Variants in TMEM80 observed in about 807,000 individuals in gnomAD.
TMEM80 encodes transmembrane protein 80.
TMEM80 carries 16 observed loss-of-function variants against 13.6 expected under a neutral mutation model. The ratio of observed to expected loss-of-function variants is 1.17; its 90% confidence interval spans 0.79 to 1.78. The LOEUF is 1.78. Among genes scored for constraint, TMEM80 ranks in the 40% most tolerant of loss-of-function variants. The pLI, the probability that TMEM80 is intolerant of heterozygous loss-of-function variation, is 0.00. For missense variants in TMEM80, 167 were observed against 184.6 expected (o/e 0.90, Z 0.55); for synonymous variants, 92 against 89.5 (o/e 1.03, Z -0.16).
intron 4 of TMEM80, 55 bp from the exon 5 acceptor site, chr11:702,890 T>G: frequency 6.6e-7 from 1 of 1,517,430 alleles, no homozygotes; most frequent in Non-Finnish European, 9.0e-7. Context: ...CTGTGGGCGG[T>G]GGGCTCCAGG....
intron 4 of TMEM80, among the ~76,000 whole-genome samples, chr11:702,625 G>A (rs1564963636): frequency 2.6e-5 from 4 of 152,236 alleles, no homozygotes; most frequent in Admixed American, 2.0e-4. Flanking sequence ...TTAGGAAAAC[G>A]TGGCAGATGC....
At chr11:698,782 A>C in intron 1 of TMEM80, 87 bp from the exon 2 acceptor site, 7 of 1,470,712 alleles carry the variant, frequency 4.8e-6, no homozygotes, top group Non-Finnish European at 5.7e-6. Context: ...AAAATAAAGC[A>C]GGGGTGGTTC....
chr11:703,781 G>A lies in TMEM80; in HGVS notation c.*631G>A. ...CTGCTGCCTAGCAATTTCCATCTTA[G>A]CCACACTTCTCCCTTCAGGGGCTTC... On this transcript the variant is annotated 3_prime_UTR_variant, in exon 5 of 5. Transcript: ENST00000397510. The A allele has an allele frequency of 8.1e-7, 1 of 1,233,182 alleles. No individual in the cohort carries two copies. The highest frequency in any genetic ancestry group is 1.0e-6 in the Non-Finnish European group (1 of 989,070). The allele number at this position is 1,233,182 out of a possible 1,614,324, so 76.4% of individuals were successfully genotyped here.
downstream of TMEM80, chr11:704,583 A>G (rs10902201): frequency 0.43 from 555,568 of 1,288,154 alleles, 123,728 homozygotes; most frequent in South Asian, 0.5. Context: ...CCCAGCCCAC[A>G]AACCATGCAG....
chr11:699,053 C>A, intron 2 of TMEM80, 165 bp downstream of exon 2: 1 of 798,420 alleles, frequency 1.3e-6, no homozygotes. Flanking sequence ...GTAACTTCCT[C>A]GGATCAGTTC....
At chr11:704,954 G>T, downstream of TMEM80, 1 of 337,296 alleles carries the variant, frequency 3.0e-6, no homozygotes, top group Non-Finnish European at 5.8e-6. Flanking sequence ...CTGAGCTCTG[G>T]GTCAGGGCAA....
intron 4 of TMEM80, among the ~76,000 whole-genome samples, chr11:701,651 C>T (rs1402518655): frequency 3.3e-5 from 5 of 152,090 alleles, no homozygotes; most frequent in South Asian, 2.1e-4. Context: ...CCTCCTGATC[C>T]GCCCACCTCG....
At chr11:699,818 G>A (rs1481761485) in intron 2 of TMEM80, 8 of 293,790 alleles carry the variant, frequency 2.7e-5, no homozygotes, top group Non-Finnish European at 4.4e-5. Flanking sequence ...CAAAGGCAGG[G>A]TGACATCACT....
intron 4 of TMEM80, chr11:700,993 G>T: frequency 2.1e-6 from 1 of 484,400 alleles, no homozygotes. Context: ...GAAAAGCCCA[G>T]CCCACCACCA....
chr11:700,081 C>A, intron 2 of TMEM80, 61 bp from the exon 3 acceptor site: 1 of 1,446,104 alleles, frequency 6.9e-7, no homozygotes, highest in South Asian at 1.2e-5. Context: ...CCCTCTTGTT[C>A]AGCCACCTGG....
Position 700,911 on chromosome 11 carries a change from G to T in TMEM80, c.226+204G>T, listed in dbSNP as rs553720757. 1.8e-4 allele frequency: 107 copies of T among 610,682 alleles called. 1 individual carries two copies. The South Asian group carries it at 1.9e-3, about 11-fold the overall frequency. The allele number at this position is 610,682 out of a possible 1,614,324, so 37.8% of individuals were successfully genotyped here. On this transcript the variant is annotated intron_variant, in intron 4 of 4. Coordinates refer to ENST00000397510, the MANE Select transcript of TMEM80 (RefSeq NM_001042463.3). ...TGTCCCAGAGACAAATAACACTGGGGGCATCGTTGGGAGAGACTCTGTGTT... is the reference window on the plus strand; with the variant it reads ...TGTCCCAGAGACAAATAACACTGGGTGCATCGTTGGGAGAGACTCTGTGTT...
At chr11:695,894 G>A (rs1861120831) in intron 1 of TMEM80, 48 bp downstream of exon 1, 1 of 1,211,326 alleles carries the variant, frequency 8.3e-7, no homozygotes, top group Non-Finnish European at 1.0e-6. Flanking sequence ...CGGCGGGCGC[G>A]GCGTTTCCCT....
rs760387386 is a variant in TMEM80, at chr11:698,850, C to T, written c.20-19C>T. The T allele has an allele frequency of 1.1e-5, 17 of 1,614,022 alleles. No individual in the cohort carries two copies. The highest frequency in any genetic ancestry group is 1.6e-4 in the Middle Eastern group (1 of 6,084). The stretch of plus-strand genomic sequence containing the variant: ...CCTGGTGGCTGTCAGGCCTTGCTCA[C>T]GGCCCCTTTCTCTTTCAGGGAGAGG... On this transcript the variant is annotated intron_variant, in intron 1 of 4. Coordinates refer to ENST00000397510, the MANE Select transcript of TMEM80 (RefSeq NM_001042463.3).
chr11:702,527 T>A (rs796744070), intron 4 of TMEM80, among the ~76,000 whole-genome samples: 3 of 152,348 alleles, frequency 2.0e-5, no homozygotes, highest in African/African-American at 7.2e-5. Context: ...TTTTAATACA[T>A]ACTCGTGAAA....
At position 695,858 on chromosome 11, in the gene TMEM80, C is replaced by T. The variant is rs1434751084; in HGVS notation, c.19+12C>T. The T allele has an allele frequency of 4.9e-6, 6 of 1,228,074 alleles. No individual in the cohort carries two copies. The highest frequency in any genetic ancestry group is 6.1e-6 in the Non-Finnish European group (6 of 984,782). The allele number at this position is 1,228,074 out of a possible 1,614,324, so 76.1% of individuals were successfully genotyped here. On this transcript the variant is annotated intron_variant, in intron 1 of 4. Transcript: ENST00000397510. ...GGCCCCGCGGCGAGGTGAGCTCGGG[C>T]GGGGTGGGGGCTTCCGGGCTTGCAG... is the stretch of plus-strand genomic sequence containing the variant.
chr11:697,203 G>T (rs1861235463), intron 1 of TMEM80, among the ~76,000 whole-genome samples: 1 of 151,712 alleles, frequency 6.6e-6, no homozygotes, highest in African/African-American at 2.4e-5. Flanking sequence ...GCAGTGAGCT[G>T]TGATCAGGCC....
intron 2 of TMEM80, 118 bp from the exon 3 acceptor site, chr11:700,024 C>T: frequency 1.3e-6 from 1 of 764,676 alleles, no homozygotes; most frequent in Non-Finnish European, 2.2e-6. Flanking sequence ...GCCAAGACTC[C>T]ATGGTCCCTT....
In TMEM80 at chr11:703,472, G is replaced by A; in HGVS notation, c.*322G>A. 7.9e-7 allele frequency: 1 copy of A among 1,258,784 alleles called. No homozygotes were observed. The highest frequency in any genetic ancestry group is 1.0e-6 in the Non-Finnish European group (1 of 1,003,888). 78.0% of individuals were successfully genotyped at this position (1,258,784 alleles called of 1,614,324 possible). ...CAGCCAGGCCTCCACAGACCCCCAT[G>A]GGCCCCCAGGGCCGAGAGGGAGGAC... On this transcript the variant is annotated 3_prime_UTR_variant, in exon 5 of 5. Coordinates refer to ENST00000397510, the MANE Select transcript of TMEM80 (RefSeq NM_001042463.3).
In TMEM80 at chr11:700,269, G is replaced by A. The variant is rs781186147; in HGVS notation, c.133+34G>A. ...GGGACGGGCACAGTGGCTCACGCCTGTAATCCCAACATTTTGGGAGGCTGA... is the reference window on the plus strand; with the variant it reads ...GGGACGGGCACAGTGGCTCACGCCTATAATCCCAACATTTTGGGAGGCTGA... On this transcript the variant is annotated intron_variant, in intron 3 of 4. Coordinates refer to ENST00000397510, the MANE Select transcript of TMEM80 (RefSeq NM_001042463.3). 7 of 1,583,962 alleles carry A rather than the reference G, an allele frequency of 4.4e-6. No homozygotes were observed. The South Asian group carries it at 6.6e-5, about 15-fold the overall frequency.
Sources: allele counts gnomAD v4.1 joint callset (sites outside exome capture counted in the v4.1 genomes callset), GRCh38; gene constraint gnomAD v4.1.1; transcripts MANE v1.5; gene names NCBI Gene and HGNC (gene_info 2026-07-23, HGNC 2026-07-21).